The following THRAP3 variants were observed in gnomAD, a reference collection of about 807,000 sequenced individuals.
THRAP3 encodes the protein thyroid hormone receptor-associated protein 3.
A neutral mutation model predicts 101.0 loss-of-function variants in THRAP3; 16 were observed. The ratio of observed to expected loss-of-function variants is 0.16; its 90% CI spans 0.11 to 0.24. The LOEUF (loss-of-function observed/expected upper bound fraction) is 0.24. Ranked by LOEUF, THRAP3 falls within the 10% of genes least tolerant of loss-of-function variation. THRAP3 has a pLI of 1.00. For missense variants in THRAP3, 989 were observed against 1,202.7 expected (o/e 0.82, Z 2.63); for synonymous variants, 407 against 422.6 (o/e 0.96, Z 0.45).
intron 1 of THRAP3, among the ~76,000 whole-genome samples, chr1:36,247,510 A>G (rs11263867): frequency 0.95 from 143,756 of 152,004 alleles, 68,511 homozygotes; most frequent in Middle Eastern, 1. Flanking sequence ...ATTTTTAGTA[A>G]AGATGGGGTT....
At position 36,304,769 on chromosome 1, in the gene THRAP3, G is replaced by A; in HGVS notation, c.*752G>A. The stretch of plus-strand genomic sequence containing the variant: ...GGCTGGACTTCCCCGTTCTCCACCA[G>A]CAGCTCCAGTATCCCAAACTTTCTA... On this transcript the variant is annotated 3_prime_UTR_variant, in exon 12 of 12. Transcript: ENST00000354618. 1 of 213,622 alleles carries A rather than the reference G, an allele frequency of 4.7e-6. No individual in the cohort carries two copies. Among genetic ancestry groups the A allele is most frequent in the African/African-American group, 2.3e-5 (1 of 44,292 alleles). The allele number at this position is 213,622 out of a possible 1,614,324, so 13.2% of individuals were successfully genotyped here. A position where few individuals can be genotyped will look rare whatever the true frequency, so the allele number is the denominator to read the frequency against.
At chr1:36,230,062 G>C (rs1009833694) in intron 1 of THRAP3, among the ~76,000 whole-genome samples, 10 of 142,280 alleles carry the variant, frequency 7.0e-5, no homozygotes, top group Non-Finnish European at 1.2e-4. Flanking sequence ...TCAAGCGATT[G>C]TCCTGCGTCA....
At chr1:36,274,834 T>G (rs1348170176) in intron 2 of THRAP3, among the ~76,000 whole-genome samples, 1 of 150,334 alleles carries the variant, frequency 6.7e-6, no homozygotes, top group Middle Eastern at 3.4e-3. Flanking sequence ...GGTTTCACCA[T>G]GTTGGCCAGG....
chr1:36,273,763 C>T (rs960084474), intron 2 of THRAP3, among the ~76,000 whole-genome samples: 1 of 152,048 alleles, frequency 6.6e-6, no homozygotes, highest in Non-Finnish European at 1.5e-5. Context: ...AAAATGAGGC[C>T]AGGCATGGTG....
intron 1 of THRAP3, among the ~76,000 whole-genome samples, chr1:36,245,957 C>T (rs1003103497): frequency 1.3e-5 from 2 of 152,136 alleles, no homozygotes; most frequent in East Asian, 1.9e-4. Flanking sequence ...TGCTTACAGT[C>T]GTTCTAAGTA....
intron 1 of THRAP3, among the ~76,000 whole-genome samples, chr1:36,236,445 T>C (rs1463111753): frequency 1.3e-5 from 2 of 152,084 alleles, no homozygotes; most frequent in Non-Finnish European, 2.9e-5. Flanking sequence ...TTTTTCTTCC[T>C]TTCTTCCCTT....
At chr1:36,241,573 T>TA (rs1645161786) in intron 1 of THRAP3, among the ~76,000 whole-genome samples, 1 of 148,760 alleles carries the variant, frequency 6.7e-6, no homozygotes, top group Non-Finnish European at 1.5e-5. Flanking sequence ...TAAGATCCGC[T>TA]AAAATTTTTT....
At chr1:36,242,973 T>C (rs1291647044) in intron 1 of THRAP3, among the ~76,000 whole-genome samples, 1 of 152,026 alleles carries the variant, frequency 6.6e-6, no homozygotes, top group African/African-American at 2.4e-5. Flanking sequence ...CTTGCACATG[T>C]AATCCCACCA....
intron 9 of THRAP3, among the ~76,000 whole-genome samples, chr1:36,299,963 A>G (rs997451965): frequency 2.0e-5 from 3 of 152,154 alleles, no homozygotes; most frequent in Non-Finnish European, 4.4e-5. Flanking sequence ...GCCTTTCATA[A>G]TGGAAGACTG....
intron 2 of THRAP3, among the ~76,000 whole-genome samples, chr1:36,265,766 T>C (rs1487550321): frequency 6.6e-6 from 1 of 152,146 alleles, no homozygotes; most frequent in Non-Finnish European, 1.5e-5. Flanking sequence ...TATCAACCCG[T>C]CATCTAGGTT....
At position 36,304,760 on chromosome 1, in the gene THRAP3, T is replaced by C; in HGVS notation, c.*743T>C. On this transcript the variant is annotated 3_prime_UTR_variant, in exon 12 of 12. Coordinates refer to ENST00000354618, the MANE Select transcript of THRAP3 (RefSeq NM_005119.4). ...TTTCTTCTGGGCTGGACTTCCCCGT[T>C]CTCCACCAGCAGCTCCAGTATCCCA... 4.7e-6 allele frequency: 1 copy of C among 214,340 alleles called. No homozygotes were observed. 13.3% of individuals were successfully genotyped at this position (214,340 alleles called of 1,614,324 possible).
chr1:36,215,067 A>G, the THRAP3 span, among the ~76,000 whole-genome samples: 1 of 144,038 alleles, frequency 6.9e-6, no homozygotes, highest in Non-Finnish European at 1.5e-5. Flanking sequence ...TAAGAATACA[A>G]AAAAAAATTA....
chr1:36,233,759 C>G lies in THRAP3; in HGVS notation c.-135+9254C>G, dbSNP rs182629148. ...CTAGCCTGGGTGACAAAGTGAGACC[C>G]TGTCTCAAAAAAATAAAAAATAAAA... On this transcript the variant is annotated intron_variant, in intron 1 of 11. Transcript: ENST00000354618. 3.4e-4 allele frequency among the ~76,000 whole-genome samples: 52 copies of G among 152,038 alleles called. 1 individual carries two copies. The highest frequency in any genetic ancestry group is 3.3e-3 in the Admixed American group (51 of 15,256).
chr1:36,265,041 A>G (rs888372530), intron 2 of THRAP3, among the ~76,000 whole-genome samples: 3 of 152,160 alleles, frequency 2.0e-5, no homozygotes, highest in East Asian at 1.9e-4. Flanking sequence ...ATACCTCACT[A>G]AAGACCCTTA....
intron 1 of THRAP3, among the ~76,000 whole-genome samples, chr1:36,232,509 T>G (rs1645039533): frequency 6.6e-6 from 1 of 152,220 alleles, no homozygotes; most frequent in South Asian, 2.1e-4. Context: ...ATGATATTTA[T>G]TTTTAATCTA....
At position 36,261,964 on chromosome 1, in the gene THRAP3, G is replaced by A. The variant is rs552844455; in HGVS notation, c.-32+2480G>A. ...TAAATGACAAATCTAAAAGTGACTGGACAGTACTAGATTGGGTTCTCAATT... is the reference window on the plus strand; with the variant it reads ...TAAATGACAAATCTAAAAGTGACTGAACAGTACTAGATTGGGTTCTCAATT... On this transcript the variant is annotated intron_variant, in intron 2 of 11. Coordinates refer to ENST00000354618, the MANE Select transcript of THRAP3 (RefSeq NM_005119.4). Among the ~76,000 whole-genome samples, 7 of 152,226 alleles carry A rather than the reference G, an allele frequency of 4.6e-5. No homozygotes were observed. The East Asian group carries it at 1.2e-3, about 25-fold the overall frequency.
chr1:36,299,485 TGA>T (rs1411204135), intron 9 of THRAP3, among the ~76,000 whole-genome samples: 2 of 151,706 alleles, frequency 1.3e-5, no homozygotes, highest in Admixed American at 1.3e-4. Flanking sequence ...TGAGGCCTTT[TGA>T]GAGTCTTTTT....
At chr1:36,264,631 C>T (rs994130423) in intron 2 of THRAP3, among the ~76,000 whole-genome samples, 4 of 152,150 alleles carry the variant, frequency 2.6e-5, no homozygotes, top group Non-Finnish European at 5.9e-5. Context: ...CAGAATGGAA[C>T]GTGGATTCTA....
chr1:36,208,249 A>G, the THRAP3 span, among the ~76,000 whole-genome samples: 1 of 152,088 alleles, frequency 6.6e-6, no homozygotes, highest in Non-Finnish European at 1.5e-5. Flanking sequence ...CTCAGGATGA[A>G]GTCCTGTTAA....
Sources: allele counts gnomAD v4.1 joint callset (sites outside exome capture counted in the v4.1 genomes callset), GRCh38; gene constraint gnomAD v4.1.1; transcripts MANE v1.5; gene names NCBI Gene and HGNC (gene_info 2026-07-23, HGNC 2026-07-21).